The following MEGF8 variants were observed in gnomAD, a reference collection of about 807,000 sequenced individuals.
MEGF8 encodes multiple epidermal growth factor-like domains protein 8.
A neutral mutation model predicts 302.9 loss-of-function variants in MEGF8; 156 were observed. That is an observed-to-expected ratio of 0.52 (90% CI 0.45 to 0.59). MEGF8 has a LOEUF of 0.59. Among genes scored for constraint, MEGF8 ranks in the 20% least tolerant of loss-of-function variants. The probability of loss-of-function intolerance (pLI) is 0.00; values close to 1 mark genes in which losing one functional copy is unlikely to be tolerated. For missense variants in MEGF8, 3,345 were observed against 3,964.5 expected, an observed-to-expected ratio of 0.84 and a Z score of 4.20; for synonymous variants, 1,621 against 1,660.5, an observed-to-expected ratio of 0.98 and a Z score of 0.58.
intron 35 of MEGF8, among the ~76,000 whole-genome samples, chr19:42,367,209 T>TTCA: frequency 6.6e-6 from 1 of 152,314 alleles, no homozygotes; most frequent in African/African-American, 2.4e-5. Context: ...CCAAGGACTC[T>TTCA]TCAGGTTCTC....
At position 42,333,707 on chromosome 19, in the gene MEGF8, C is replaced by A; in HGVS notation, c.290C>A (p.Pro97Gln). ...TATGACGGTGACTCCCCGCGAGGGC[C>A]GCTGCTTGCCAGTCTAAGTGGGAGC... ...FVYDGDSPRGPLLASLSGSTR... is the reference protein window; with the variant it reads ...FVYDGDSPRGQLLASLSGSTR... Residue 97 changes from proline (P) to glutamine (Q), a missense_variant, in exon 2 of 42, where the codon CCG becomes CAG. Transcript: ENST00000251268. 1 of 1,613,986 alleles carries A rather than the reference C, an allele frequency of 6.2e-7. No individual in the cohort carries two copies. Among genetic ancestry groups the A allele is most frequent in the Non-Finnish European group, 8.5e-7 (1 of 1,179,898 alleles).
At position 42,376,590 on chromosome 19, in the gene MEGF8, C is replaced by T. The variant is rs2039774094; in HGVS notation, c.8353C>T (p.Leu2785Phe). Reference sequence around the variant, plus strand: ...CATGGCTGGCGTGGCCACACTGCTGCTCCAGCTGCCTGGCGGGCCCCATGC... The same window carrying T: ...CATGGCTGGCGTGGCCACACTGCTGTTCCAGCTGCCTGGCGGGCCCCATGC... The part of the protein sequence containing the change: ...DGMAGVATLL[L>F]QLPGGPHAPN... Residue 2785 changes from leucine to phenylalanine, a missense_variant, in exon 42 of 42, where the codon CTC becomes TTC. Physicochemically the swap from Leu to Phe is conservative, Grantham distance 22 (BLOSUM62 0). Coordinates refer to ENST00000251268, the MANE Select transcript of MEGF8 (RefSeq NM_001271938.2). This position sits in a 1 kb window ranked among gnomAD's most constrained non-coding sequence, Gnocchi z 8.2. The T allele has an allele frequency of 6.5e-7, 1 of 1,550,006 alleles. No homozygotes were observed. Among genetic ancestry groups the T allele is most frequent in the Non-Finnish European group, 8.7e-7 (1 of 1,149,880 alleles).
At position 42,358,291 on chromosome 19, in the gene MEGF8, C is replaced by T. The variant is rs1270514217; in HGVS notation, c.5159C>T (p.Pro1720Leu). The T allele has an allele frequency of 1.9e-6, 3 of 1,604,014 alleles. No homozygotes were observed. ...CPDRTWSLLA[P>L]SQGAKRDRMR... Reference sequence around the variant, plus strand: ...GACCGCACCTGGAGTCTGCTGGCCCCTTCTCAGGGGGCAAAGGTCAGGAAA... The same window carrying T: ...GACCGCACCTGGAGTCTGCTGGCCCTTTCTCAGGGGGCAAAGGTCAGGAAA... Residue 1720 changes from proline to leucine, a missense_variant, in exon 29 of 42, where the codon CCT (proline) becomes CTT (leucine). Coordinates refer to ENST00000251268, the MANE Select transcript of MEGF8 (RefSeq NM_001271938.2). This position sits in a 1 kb window ranked among gnomAD's most constrained non-coding sequence, Gnocchi z 4.4.
At position 42,344,492 on chromosome 19, in the gene MEGF8, G is replaced by A; in HGVS notation, c.1840G>A (p.Ala614Thr). 6.3e-7 allele frequency: 1 copy of A among 1,598,392 alleles called. No homozygotes were observed. Among genetic ancestry groups the A allele is most frequent in the Non-Finnish European group, 8.5e-7 (1 of 1,179,324 alleles). Residue 614 changes from alanine to threonine, a missense_variant, in exon 11 of 42, where the codon GCC becomes ACC. Coordinates refer to ENST00000251268, the MANE Select transcript of MEGF8 (RefSeq NM_001271938.2). The surrounding 1 kb of genome is among the most constrained non-coding windows in gnomAD (Gnocchi z 4.5). Reference protein sequence around the residue: ...GLGRLLGDCQACLAFSSPTAP... With the variant: ...GLGRLLGDCQTCLAFSSPTAP... ...GGGCCGCCTCCTGGGTGACTGCCAG[G>A]CCTGCCTGGCCTTCAGCAGCCCCAC...
At chr19:42,337,833 T>C (rs571964226) in intron 8 of MEGF8, among the ~76,000 whole-genome samples, 1 of 150,812 alleles carries the variant, frequency 6.6e-6, no homozygotes, top group South Asian at 2.1e-4. Context: ...AGAGGGAGTC[T>C]CGCTCCGTCG....
In MEGF8 at chr19:42,352,179, C is replaced by T. The variant is rs773615372; in HGVS notation, c.3102-29C>T. 1 of 1,485,440 alleles carries T rather than the reference C, an allele frequency of 6.7e-7. No homozygotes were observed. The highest frequency in any genetic ancestry group is 1.4e-5 in the South Asian group (1 of 73,322). 92.0% of individuals were successfully genotyped at this position (1,485,440 alleles called of 1,614,324 possible). The stretch of plus-strand genomic sequence containing the variant: ...GTATGGCTCCTGTTTCTATGTTGTC[C>T]CCCGCTTCTTCACTCTCCCACCCTG... On this transcript the variant is annotated intron_variant, in intron 18 of 41. Transcript: ENST00000251268. This position sits in a 1 kb window ranked among gnomAD's most constrained non-coding sequence, Gnocchi z 4.4.
At chr19:42,355,081 C>G (rs576283218) in intron 23 of MEGF8, among the ~76,000 whole-genome samples, 60 of 152,158 alleles carry the variant, frequency 3.9e-4, no homozygotes, top group African/African-American at 1.1e-3. Flanking sequence ...CTCAGCCTCC[C>G]GAGTAGCTGG....
chr19:42,357,202 G>A lies in MEGF8; in HGVS notation c.4831-202G>A, dbSNP rs1600057857. On this transcript the variant is annotated intron_variant, in intron 27 of 41. Transcript: ENST00000251268. This position sits in a 1 kb window ranked among gnomAD's most constrained non-coding sequence, Gnocchi z 5.2. ...GCCAGGGGAGCAAGGGCTTCCCAAAGCCACACCAGGCTTGAGCAGGTGGAA... is the reference window on the plus strand; with the variant it reads ...GCCAGGGGAGCAAGGGCTTCCCAAAACCACACCAGGCTTGAGCAGGTGGAA... 1.3e-5 allele frequency among the ~76,000 whole-genome samples: 2 copies of A among 152,320 alleles called. No individual in the cohort carries two copies. The highest frequency in any genetic ancestry group is 4.8e-5 in the African/African-American group (2 of 41,582).
At position 42,351,319 on chromosome 19, in the gene MEGF8, C is replaced by T. The variant is rs2039368665; in HGVS notation, c.2840C>T (p.Pro947Leu). 1 of 1,567,614 alleles carries T rather than the reference C, an allele frequency of 6.4e-7. No homozygotes were observed. Among genetic ancestry groups the T allele is most frequent in the East Asian group, 2.4e-5 (1 of 42,494 alleles). The change falls in exon 16 of 42, where the codon CCC becomes CTC. Residue 947 changes from proline (P) to leucine (L), a missense_variant. By Grantham distance (98) the Pro-to-Leu change is moderately conservative (BLOSUM62 -3). Coordinates refer to ENST00000251268, the MANE Select transcript of MEGF8 (RefSeq NM_001271938.2). This position sits in a 1 kb window ranked among gnomAD's most constrained non-coding sequence, Gnocchi z 5.6. ...RGALKSPEEC[P>L]PLCSQRLTCE... is the part of the protein sequence containing the mutation. ...GCCCTGAAGAGTCCAGAGGAGTGTC[C>T]CCCGCTCTGCAGCCAGTGAGTCAGG... is the stretch of plus-strand genomic sequence containing the variant.
chr19:42,346,682 A>AAAAT (rs919205593), intron 12 of MEGF8, among the ~76,000 whole-genome samples: 5 of 151,718 alleles, frequency 3.3e-5, no homozygotes, highest in Non-Finnish European at 5.9e-5. Flanking sequence ...ATTTTAATTA[A>AAAAT]AAATAAATAA....
At position 42,375,101 on chromosome 19, in the gene MEGF8, C is replaced by T. The variant is rs554253697; in HGVS notation, c.7270-406C>T. On this transcript the variant is annotated intron_variant, in intron 41 of 41. Transcript: ENST00000251268. This position sits in a 1 kb window ranked among gnomAD's most constrained non-coding sequence, Gnocchi z 7.1. ...TGATCTCAGTGGTCCTGTGAGCGAG[C>T]CGTGGTTACTCCCTGTGTGCAGAGC... Among the ~76,000 whole-genome samples the T allele has an allele frequency of 9.8e-5, 15 of 152,304 alleles. No homozygotes were observed. In the East Asian group the frequency reaches 2.7e-3, roughly 27 times the overall value.
At chr19:42,337,301 G>T (rs996699399) in intron 8 of MEGF8, 95 bp downstream of exon 8, 43 of 1,557,692 alleles carry the variant, frequency 2.8e-5, no homozygotes, top group Middle Eastern at 4.6e-4. Context: ...GTAAGGGTGA[G>T]CCTGACATCC....
chr19:42,356,504 C>T lies in MEGF8; in HGVS notation c.4622+51C>T, dbSNP rs1023562771. On this transcript the variant is annotated intron_variant, in intron 26 of 41. Transcript: ENST00000251268. This position sits in a 1 kb window ranked among gnomAD's most constrained non-coding sequence, Gnocchi z 5.2. ...ATTCGCAAATAAGAGAAGGTCACCT[C>T]GGGATGCTAAGAGTCACCTCAGAGG... 14 of 1,407,268 alleles carry T rather than the reference C, an allele frequency of 9.9e-6. No homozygotes were observed. Among genetic ancestry groups the T allele is most frequent in the East Asian group, 7.2e-5 (3 of 41,872 alleles). 87.2% of individuals were successfully genotyped at this position (1,407,268 alleles called of 1,614,324 possible). A position where few individuals can be genotyped will look rare whatever the true frequency, so the allele number is the denominator to read the frequency against.
At chr19:42,372,928 C>G (rs527302437) in intron 41 of MEGF8, among the ~76,000 whole-genome samples, 1 of 151,976 alleles carries the variant, frequency 6.6e-6, no homozygotes, top group African/African-American at 2.4e-5. Flanking sequence ...CTGCCTTGGC[C>G]CCCCAAAGTG....
chr19:42,338,825 ATTTTTTTTTTTTTTTTT>A (rs55994617), intron 8 of MEGF8, among the ~76,000 whole-genome samples: 16 of 47,160 alleles, frequency 3.4e-4, no homozygotes, highest in Admixed American at 3.2e-3. Flanking sequence ...CTTTCTATGT[ATTTTTTTTTTTTTTTTT>A]TTTTTTTTTT....
chr19:42,348,254 C>A lies in MEGF8; in HGVS notation c.2098-18C>A. Reference sequence around the variant, plus strand: ...TCCAGAAAGGGACTCACACATACACCCATCCCTGGTGGCACAGGTCTCAAT... The same window carrying A: ...TCCAGAAAGGGACTCACACATACACACATCCCTGGTGGCACAGGTCTCAAT... On this transcript the variant is annotated intron_variant, in intron 12 of 41. Coordinates refer to ENST00000251268, the MANE Select transcript of MEGF8 (RefSeq NM_001271938.2). 1 of 1,532,684 alleles carries A rather than the reference C, an allele frequency of 6.5e-7. No individual in the cohort carries two copies. The highest frequency in any genetic ancestry group is 8.7e-7 in the Non-Finnish European group (1 of 1,143,352). 94.9% of individuals were successfully genotyped at this position (1,532,684 alleles called of 1,614,324 possible).
At chr19:42,363,317 T>C in intron 35 of MEGF8, 55 bp downstream of exon 35, 1 of 1,447,144 alleles carries the variant, frequency 6.9e-7, no homozygotes. Context: ...GTCTCCCTCC[T>C]CTCTGCGCTG....
At chr19:42,363,290 G>A (rs946881729) in intron 35 of MEGF8, 28 bp downstream of exon 35, 17 of 1,558,050 alleles carry the variant, frequency 1.1e-5, no homozygotes, top group Non-Finnish European at 1.3e-5. Flanking sequence ...GACCGTGCCA[G>A]GCAAGGGCCC....
chr19:42,374,807 T>C lies in MEGF8; in HGVS notation c.7270-700T>C, dbSNP rs189701593. 5.0e-3 allele frequency among the ~76,000 whole-genome samples: 762 copies of C among 152,094 alleles called. 23 individuals are homozygous for C. The highest frequency in any genetic ancestry group is 0.044 in the Admixed American group (678 of 15,270). ...GCGAGGAGCGCTAAGGAAAGTTAAG[T>C]AGGAAGCGGGGGCTAGGGCTGTTGG... is the stretch of plus-strand genomic sequence containing the variant. On this transcript the variant is annotated intron_variant, in intron 41 of 41. Transcript: ENST00000251268.
Sources: gnomAD v4.1 joint callset for allele counts (sites outside exome capture counted in the v4.1 genomes callset) on GRCh38, gnomAD v4.1.1 for gene constraint, Gnocchi (gnomAD v3.1) non-coding constraint, MANE v1.5 for transcripts, NCBI Gene and HGNC (gene_info 2026-07-23, HGNC 2026-07-21) for gene names.